SLF1: variants seen among roughly 807,000 people sequenced by gnomAD.
SLF1 encodes SMC5-SMC6 complex localization factor protein 1.
SLF1 carries 105 observed loss-of-function variants against 123.0 expected under a neutral mutation model. The observed-to-expected ratio is 0.85, with a 90% CI of 0.73 to 1.00. SLF1 has a LOEUF of 1.00. Ranked by LOEUF, SLF1 falls within the 50% of genes least tolerant of loss-of-function variation. The probability of loss-of-function intolerance (pLI) is 0.00; values close to 1 mark genes in which losing one functional copy is unlikely to be tolerated. For missense variants in SLF1, 1,239 were observed against 1,223.0 expected, an observed-to-expected ratio of 1.01 and a Z score of -0.20; for synonymous variants, 434 against 406.6, an observed-to-expected ratio of 1.07 and a Z score of -0.81.
In SLF1 at chr5:94,689,512, A is replaced by G; in HGVS notation, c.2325A>G (p.Lys775=). 2 of 1,612,828 alleles carry G rather than the reference A, an allele frequency of 1.2e-6. No individual in the cohort carries two copies. The highest frequency in any genetic ancestry group is 1.7e-4 in the Middle Eastern group (1 of 6,052). The part of the protein sequence containing the change: ...NLAKCSSSLK[K]LKKKSEGELS... ...CTAAATGTTCCTCATCATTAAAAAAATTGAAAAAGAAGTCAGAAGGAGAAT... is the reference window on the plus strand; with the variant it reads ...CTAAATGTTCCTCATCATTAAAAAAGTTGAAAAAGAAGTCAGAAGGAGAAT... Residue 775 remains lysine, a synonymous_variant, in exon 18 of 21, where the codon AAA becomes AAG. Transcript: ENST00000265140.
chr5:94,688,080 T>C (rs1256986190), intron 16 of SLF1, among the ~76,000 whole-genome samples: 2 of 149,484 alleles, frequency 1.3e-5, no homozygotes, highest in Non-Finnish European at 3.0e-5. Flanking sequence ...CAACAATCCT[T>C]TAAGGATGTT....
chr5:94,663,464 T>C (rs1410063267), intron 10 of SLF1, among the ~76,000 whole-genome samples: 1 of 152,180 alleles, frequency 6.6e-6, no homozygotes, highest in Admixed American at 6.5e-5. Flanking sequence ...GCCAACATGG[T>C]GAAACCCCGT....
intron 18 of SLF1, among the ~76,000 whole-genome samples, chr5:94,689,942 C>A (rs1752893154): frequency 6.6e-6 from 1 of 152,138 alleles, no homozygotes; most frequent in South Asian, 2.1e-4. Context: ...GGATCAGTGT[C>A]TTCTGATTTG....
intron 14 of SLF1, among the ~76,000 whole-genome samples, chr5:94,675,904 A>AT (rs70978120): frequency 0.36 from 43,231 of 121,560 alleles, 7,832 homozygotes; most frequent in African/African-American, 0.45. Context: ...CAACTGGTTG[A>AT]TTTTTTTTTT....
intron 1 of SLF1, among the ~76,000 whole-genome samples, chr5:94,619,465 C>T (rs1010120924): frequency 6.6e-6 from 1 of 152,012 alleles, no homozygotes; most frequent in African/African-American, 2.4e-5. Context: ...AGATTTCTTC[C>T]ACTTCCAAAG....
At chr5:94,645,551 T>C (rs113715806) in intron 5 of SLF1, among the ~76,000 whole-genome samples, 1 of 152,224 alleles carries the variant, frequency 6.6e-6, no homozygotes, top group African/African-American at 2.4e-5. Context: ...TTAACTAGAT[T>C]AGTAAAGGTA....
At chr5:94,679,044 G>A in intron 15 of SLF1, 89 bp downstream of exon 15, 2 of 1,445,294 alleles carry the variant, frequency 1.4e-6, no homozygotes, top group African/African-American at 1.4e-5. Context: ...TTTAACATAT[G>A]TTCATTTGAA....
chr5:94,653,160 C>A, intron 7 of SLF1, 112 bp from the exon 8 acceptor site: 1 of 1,122,732 alleles, frequency 8.9e-7, no homozygotes, highest in Non-Finnish European at 1.2e-6. Context: ...CCCGGCCGTA[C>A]TTCTTTATTT....
intron 9 of SLF1, among the ~76,000 whole-genome samples, chr5:94,655,079 G>A (rs1748217343): frequency 6.6e-6 from 1 of 152,052 alleles, no homozygotes; most frequent in African/African-American, 2.4e-5. Flanking sequence ...GGTTTTACCT[G>A]GAAGTCTTTA....
At chr5:94,672,693 G>GT (rs986851165) in intron 14 of SLF1, among the ~76,000 whole-genome samples, 5 of 151,926 alleles carry the variant, frequency 3.3e-5, no homozygotes, top group Non-Finnish European at 7.4e-5. Context: ...ACTATGACTT[G>GT]TTTTTATGAG....
chr5:94,670,339 T>A, intron 13 of SLF1, 60 bp downstream of exon 13: 1 of 1,226,074 alleles, frequency 8.2e-7, no homozygotes, highest in Non-Finnish European at 1.1e-6. Context: ...ATGCACCATT[T>A]TTTTTTTACA....
rs766587438 is a variant in SLF1 at position 94,629,171 on chromosome 5, A to G, written c.190+4A>G. 9.1e-6 allele frequency: 14 copies of G among 1,546,288 alleles called. No individual in the cohort carries two copies. In the South Asian group the frequency reaches 1.5e-4, roughly 16 times the overall value. On this transcript the variant is annotated splice_donor_region_variant and intron_variant, in intron 3 of 20. Transcript: ENST00000265140. The stretch of plus-strand genomic sequence containing the variant: ...TTTTTAGCAGCTTGTGCGGCAGGTA[A>G]GTTAACTGTCTTCCCCCAACTTTTA...
At chr5:94,658,789 G>A (rs1046451411) in intron 9 of SLF1, among the ~76,000 whole-genome samples, 1 of 150,758 alleles carries the variant, frequency 6.6e-6, no homozygotes, top group African/African-American at 2.4e-5. Flanking sequence ...ATTACTTTAT[G>A]CCTTCCCATA....
intron 14 of SLF1, among the ~76,000 whole-genome samples, chr5:94,678,181 A>G (rs1386648471): frequency 6.6e-6 from 1 of 152,112 alleles, no homozygotes; most frequent in Admixed American, 6.5e-5. Flanking sequence ...CGGCCTCCCA[A>G]AGTGCTGGGA....
At chr5:94,679,461 C>G (rs1751505930) in intron 15 of SLF1, among the ~76,000 whole-genome samples, 1 of 151,700 alleles carries the variant, frequency 6.6e-6, no homozygotes, top group African/African-American at 2.4e-5. Context: ...TGGACGTGGT[C>G]TATGCTAGTA....
At chr5:94,654,547 C>T (rs1748149499) in intron 8 of SLF1, 83 bp from the exon 9 acceptor site, 4 of 1,121,518 alleles carry the variant, frequency 3.6e-6, no homozygotes, top group South Asian at 2.2e-5. Flanking sequence ...ATGTGTTCCT[C>T]TTATATTGTC....
intron 15 of SLF1, 32 bp downstream of exon 15, chr5:94,678,987 C>A (rs991833711): frequency 1.3e-6 from 2 of 1,599,234 alleles, no homozygotes; most frequent in Non-Finnish European, 1.7e-6. Flanking sequence ...TTTTTTCAGA[C>A]CCATTCTGGA....
intron 10 of SLF1, 138 bp downstream of exon 10, chr5:94,662,489 G>T (rs1281645275): frequency 1.6e-6 from 1 of 628,828 alleles, no homozygotes; most frequent in Non-Finnish European, 2.4e-6. Context: ...AAGAAATATA[G>T]CTTCTCTAAT....
At chr5:94,668,952 C>T (rs1014169515) in intron 12 of SLF1, among the ~76,000 whole-genome samples, 5 of 152,074 alleles carry the variant, frequency 3.3e-5, no homozygotes, top group African/African-American at 1.2e-4. Flanking sequence ...TATCTCCATC[C>T]TTAATATCTA....
Sources: allele counts gnomAD v4.1 joint callset (sites outside exome capture counted in the v4.1 genomes callset), GRCh38; gene constraint gnomAD v4.1.1; transcripts MANE v1.5; gene names NCBI Gene and HGNC (gene_info 2026-07-23, HGNC 2026-07-21).